POGZ: variants seen among roughly 807,000 people sequenced by gnomAD.
POGZ encodes the protein pogo transposable element derived with ZNF domain, also known as pogo transposable element with ZNF domain.
Under a neutral mutation model 134.6 loss-of-function variants are expected in POGZ, and 17 were observed. That is an observed-to-expected ratio of 0.13 (90% CI 0.09 to 0.19). POGZ has a LOEUF of 0.19. POGZ is among the 10% of genes least tolerant of loss of function. The pLI is 1.00. For synonymous variants in POGZ, 693 were observed against 657.1 expected, an observed-to-expected ratio of 1.05 and a Z score of -0.84; for missense variants, 1,306 against 1,769.7, an observed-to-expected ratio of 0.74 and a Z score of 4.70.
chr1:151,454,464 A>T (rs1234797342), intron 1 of POGZ, among the ~76,000 whole-genome samples: 1 of 152,214 alleles, frequency 6.6e-6, no homozygotes, highest in Non-Finnish European at 1.5e-5. Flanking sequence ...ATAGTACCTC[A>T]TATGTAAGAA....
intron 15 of POGZ, 65 bp downstream of exon 15, chr1:151,408,035 G>C: frequency 1.3e-6 from 1 of 777,180 alleles, no homozygotes; most frequent in Non-Finnish European, 1.8e-6. Flanking sequence ...AAAAAAAGAA[G>C]AAGAAGAAGA....
intron 10 of POGZ, among the ~76,000 whole-genome samples, chr1:151,418,977 A>C (rs1656298672): frequency 7.5e-6 from 1 of 132,464 alleles, no homozygotes; most frequent in Non-Finnish European, 1.5e-5. Flanking sequence ...GTGAGCTGAG[A>C]TTGTGCCACC....
Position 151,427,837 on chromosome 1 carries a change from T to G in POGZ, c.1064A>C (p.Glu355Ala). ...AHGSQRTSGPESSMKVTSSIP... is the reference protein window; with the variant it reads ...AHGSQRTSGPASSMKVTSSIP... ...GGTTATTGTACCTTTCATTGAAGAC[T>G]CAGGTCCGCTGGTTCTTTGAGAGCC... The change falls in exon 7 of 19, where the codon GAG becomes GCG. Residue 355 changes from glutamate (E) to alanine (A), a missense_variant. Glu to Ala is a moderately radical substitution (Grantham distance 107). Around this residue, in one of 10 missense-constraint regions of POGZ, gnomAD observed 541 missense variants for 680.5 expected, o/e 0.80. Coordinates refer to ENST00000271715, the MANE Select transcript of POGZ (RefSeq NM_015100.4). 2 of 1,611,356 alleles carry G rather than the reference T, an allele frequency of 1.2e-6. No homozygotes were observed. The highest frequency in any genetic ancestry group is 1.7e-6 in the Non-Finnish European group (2 of 1,177,544).
In POGZ at chr1:151,459,249, G is replaced by T. The variant is rs1663222439; in HGVS notation, c.-99C>A. 6.6e-6 allele frequency: 1 copy of T among 151,926 alleles called. No individual in the cohort carries two copies. Among genetic ancestry groups the T allele is most frequent in the Non-Finnish European group, 1.5e-5 (1 of 67,988 alleles). 9.4% of individuals were successfully genotyped at this position (151,926 alleles called of 1,614,324 possible). A position where few individuals can be genotyped will look rare whatever the true frequency, so the allele number is the denominator to read the frequency against. On this transcript the variant is annotated 5_prime_UTR_variant, in exon 1 of 19. Transcript: ENST00000271715. ...CGCCAGAAGGGGGTGGGAGCAGGGG[G>T]AGGGGACGGGGGCTTGGGGGGAGAC...
chr1:151,458,793 G>C (rs977662240), intron 1 of POGZ, among the ~76,000 whole-genome samples: 2 of 145,710 alleles, frequency 1.4e-5, no homozygotes, highest in Non-Finnish European at 3.0e-5. Flanking sequence ...GCTGTGTGCG[G>C]GGCCGTGGGG....
intron 3 of POGZ, among the ~76,000 whole-genome samples, chr1:151,431,531 T>G (rs1015636022): frequency 3.3e-5 from 5 of 152,238 alleles, no homozygotes; most frequent in East Asian, 3.9e-4. Flanking sequence ...AAATGCAAGA[T>G]TCTTTAAGCA....
chr1:151,450,444 T>C (rs1486580060), intron 1 of POGZ, among the ~76,000 whole-genome samples: 4 of 151,454 alleles, frequency 2.6e-5, no homozygotes, highest in Non-Finnish European at 5.9e-5. Context: ...CCTCGACCTC[T>C]TGGGCTCAAG....
intron 1 of POGZ, chr1:151,455,199 T>C (rs1267969647): frequency 6.6e-6 from 1 of 152,212 alleles, no homozygotes; most frequent in Non-Finnish European, 1.5e-5. Context: ...ATATTGATAT[T>C]ATGGCAAAGG....
At chr1:151,418,048 A>G (rs1264831946) in intron 10 of POGZ, among the ~76,000 whole-genome samples, 1 of 152,006 alleles carries the variant, frequency 6.6e-6, no homozygotes, top group African/African-American at 2.4e-5. Context: ...CCCCGTCTCC[A>G]CTAAAAAATA....
rs553452447 is a variant in POGZ at position 151,441,207 on chromosome 1, A to G, written c.125-121T>C. On this transcript the variant is annotated intron_variant, in intron 2 of 18. Coordinates refer to ENST00000271715, the MANE Select transcript of POGZ (RefSeq NM_015100.4). ...CTATAGCCAAAAAGTTTCCTGTTTC[A>G]TAAATCCAACTGTTCATGTGATTTC... 1.0e-5 allele frequency: 7 copies of G among 681,250 alleles called. No homozygotes were observed. In the South Asian group the frequency reaches 1.6e-4, roughly 16 times the overall value. 42.2% of individuals were successfully genotyped at this position (681,250 alleles called of 1,614,324 possible).
At chr1:151,407,574 G>C (rs895289298) in intron 15 of POGZ, among the ~76,000 whole-genome samples, 1 of 152,142 alleles carries the variant, frequency 6.6e-6, no homozygotes, top group African/African-American at 2.4e-5. Context: ...TGAATAGCAA[G>C]GCCCTATGAA....
At chr1:151,422,742 C>A (rs1452033712) in intron 10 of POGZ, among the ~76,000 whole-genome samples, 1 of 152,154 alleles carries the variant, frequency 6.6e-6, no homozygotes, top group Non-Finnish European at 1.5e-5. Flanking sequence ...CAGGTGCCCG[C>A]CACCACACCC....
At position 151,405,432 on chromosome 1, in the gene POGZ, A is replaced by G; in HGVS notation, c.3603T>C (p.Asp1201=). Residue 1201 remains aspartate (D), a synonymous_variant, in exon 19 of 19, where the codon GAT becomes GAC. Transcript: ENST00000271715. The surrounding 1 kb of genome is among the most constrained non-coding windows in gnomAD (Gnocchi z 4.9). The part of the protein sequence containing the change: ...LLEAKESGYS[D]DEIMELWSTR... ...TTGACCACAGCTCCATGATCTCGTC[A>G]TCACTGTAGCCACTCTCCTTTGCCT... 1 of 1,614,178 alleles carries G rather than the reference A, an allele frequency of 6.2e-7. No individual in the cohort carries two copies. Among genetic ancestry groups the G allele is most frequent in the Non-Finnish European group, 8.5e-7 (1 of 1,180,014 alleles).
chr1:151,426,213 G>A (rs897375957), intron 7 of POGZ: 6 of 150,254 alleles, frequency 4.0e-5, no homozygotes, highest in Non-Finnish European at 7.4e-5. Context: ...TTGAGATGGG[G>A]TCTTTCTCTG....
rs1401243385 is a variant in POGZ at position 151,421,277 on chromosome 1, GC to G, written c.1678+2119del. Among the ~76,000 whole-genome samples the G allele has an allele frequency of 2.0e-5, 3 of 151,662 alleles. No homozygotes were observed. The East Asian group carries it at 5.8e-4, about 29-fold the overall frequency. On this transcript the variant is annotated intron_variant, in intron 10 of 18. Coordinates refer to ENST00000271715, the MANE Select transcript of POGZ (RefSeq NM_015100.4). ...TTTCTACTGCCTAGTGTTACTGTAAGCCATTAATGTCAATCCCACTTCCCTT... is the reference window on the plus strand; with the variant it reads ...TTTCTACTGCCTAGTGTTACTGTAAGCATTAATGTCAATCCCACTTCCCTT...
At chr1:151,409,876 C>T (rs1048692138) in intron 12 of POGZ, among the ~76,000 whole-genome samples, 1 of 152,168 alleles carries the variant, frequency 6.6e-6, no homozygotes, top group African/African-American at 2.4e-5. Context: ...TGAAGTCCTT[C>T]AAAAATAGAA....
In POGZ at chr1:151,403,120, GA is replaced by G. The variant is rs538128247; in HGVS notation, c.*1681del. On this transcript the variant is annotated 3_prime_UTR_variant, in exon 19 of 19. Transcript: ENST00000271715. ...CCAGATGGATCCTTGGTTGTTTTCA[GA>G]TGTCAAAGGTTCACAAAGCTGGCCA... 1.1e-3 allele frequency: 719 copies of G among 642,186 alleles called. 6 individuals are homozygous for G. Among genetic ancestry groups the G allele is most frequent in the African/African-American group, 0.01 (528 of 50,388 alleles). The allele number at this position is 642,186 out of a possible 1,614,324, so 39.8% of individuals were successfully genotyped here.
In POGZ at chr1:151,403,284, C is replaced by G; in HGVS notation, c.*1518G>C. 1.0e-6 allele frequency: 1 copy of G among 985,672 alleles called. No homozygotes were observed. The highest frequency in any genetic ancestry group is 1.2e-6 in the Non-Finnish European group (1 of 829,860). The allele number at this position is 985,672 out of a possible 1,614,324, so 61.1% of individuals were successfully genotyped here. A position where few individuals can be genotyped will look rare whatever the true frequency, so the allele number is the denominator to read the frequency against. ...GTCACACCTGTACCACCAGGCCCAT[C>G]ACATCTTGAGCATTCCCCAGTCTGT... On this transcript the variant is annotated 3_prime_UTR_variant, in exon 19 of 19. Transcript: ENST00000271715.
chr1:151,415,784 C>T (rs1367517992), intron 10 of POGZ, among the ~76,000 whole-genome samples: 2 of 151,950 alleles, frequency 1.3e-5, no homozygotes, highest in Non-Finnish European at 2.9e-5. Context: ...AAATCTCACA[C>T]TAACAAAAGC....
Sources: allele counts gnomAD v4.1 joint callset (sites outside exome capture counted in the v4.1 genomes callset), GRCh38; gene constraint gnomAD v4.1.1; regional missense constraint gnomAD v4.1.1; non-coding constraint Gnocchi (gnomAD v3.1); transcripts MANE v1.5; gene names NCBI Gene and HGNC (gene_info 2026-07-23, HGNC 2026-07-21).